The following FNIP1 variants were observed in gnomAD, a reference collection of about 807,000 sequenced individuals.
The protein encoded by FNIP1 is folliculin interacting protein 1, also known as folliculin-interacting protein 1.
A neutral mutation model predicts 124.5 loss-of-function variants in FNIP1; 40 were observed. The observed-to-expected ratio is 0.32, with a 90% confidence interval of 0.25 to 0.42. The LOEUF is 0.42. Among genes scored for constraint, FNIP1 ranks in the 10% least tolerant of loss-of-function variants. The pLI is 1.00. For synonymous variants in FNIP1, 472 were observed against 470.6 expected (o/e 1.00, Z -0.04); for missense variants, 1,176 against 1,403.7 (o/e 0.84, Z 2.59).
Position 131,672,865 on chromosome 5 carries a change from T to C in FNIP1, c.1579A>G (p.Lys527Glu). The change falls in exon 14 of 18, where the codon AAA (lysine) becomes GAA (glutamate). Residue 527 changes from lysine (K) to glutamate (E), a missense_variant. Around this residue, in one of 2 missense-constraint regions of FNIP1, gnomAD observed 1,109 missense variants for 1,288.5 expected, o/e 0.86. Transcript: ENST00000510461. ...VRLARTVVVG[K>E]RQDMVQRLLY... Reference sequence around the variant, plus strand: ...AGCCTCTGGACCATGTCTTGTCGTTTGCCAACTACCACAGTCCTTGCTAAC... The same window carrying C: ...AGCCTCTGGACCATGTCTTGTCGTTCGCCAACTACCACAGTCCTTGCTAAC... 6.2e-7 allele frequency: 1 copy of C among 1,604,846 alleles called. No homozygotes were observed. The highest frequency in any genetic ancestry group is 8.5e-7 in the Non-Finnish European group (1 of 1,176,022).
intron 1 of FNIP1, among the ~76,000 whole-genome samples, chr5:131,773,851 T>C (rs1294074092): frequency 1.3e-5 from 2 of 152,146 alleles, no homozygotes; most frequent in African/African-American, 2.4e-5. Flanking sequence ...TAGAGGGGTA[T>C]GTGGCAGGAA....
At chr5:131,785,174 AT>A (rs1270795532) in intron 1 of FNIP1, among the ~76,000 whole-genome samples, 2 of 88,970 alleles carry the variant, frequency 2.2e-5, no homozygotes, top group African/African-American at 8.9e-5. Flanking sequence ...GACTATATAT[AT>A]ATCATATATA....
In FNIP1 at chr5:131,670,619, G is replaced by A. The variant is rs1353740825; in HGVS notation, c.2952C>T (p.Ile984=). Reference sequence around the variant, plus strand: ...TGTTGGGCTGAACAGCACTCACTTCGATTAACTTTGACCTGGAAGAAAAAT... The same window carrying A: ...TGTTGGGCTGAACAGCACTCACTTCAATTAACTTTGACCTGGAAGAAAAAT... ...DEIPFPGSKL[I]EVSAVQPNIA... Residue 984 remains isoleucine, a synonymous_variant, in exon 15 of 18, where the codon ATC becomes ATT. Transcript: ENST00000510461. 4 of 1,601,386 alleles carry A rather than the reference G, an allele frequency of 2.5e-6. No homozygotes were observed. The highest frequency in any genetic ancestry group is 1.3e-5 in the African/African-American group (1 of 74,084).
In FNIP1 at chr5:131,651,883, C is replaced by T. The variant is rs2149504099; in HGVS notation, c.3225G>A (p.Lys1075=). 6.2e-7 allele frequency: 1 copy of T among 1,614,164 alleles called. No individual in the cohort carries two copies. Among genetic ancestry groups the T allele is most frequent in the Non-Finnish European group, 8.5e-7 (1 of 1,180,022 alleles). The change falls in exon 16 of 18, where the codon AAG becomes AAA. Residue 1075 remains lysine, a synonymous_variant. Coordinates refer to ENST00000510461, the MANE Select transcript of FNIP1 (RefSeq NM_133372.3). ...AAACAAGACTGGAAACCAATACTTC[C>T]TTTCCCAATTTATTATCTGTCACTC... ...QRRVTDNKLG[K]EVLVSSLVSN... is the part of the protein sequence containing the mutation.
intron 1 of FNIP1, among the ~76,000 whole-genome samples, chr5:131,785,557 A>T (rs1772186304): frequency 6.6e-6 from 1 of 152,150 alleles, no homozygotes; most frequent in Non-Finnish European, 1.5e-5. Flanking sequence ...TCTCAAAAAA[A>T]AAACAAAAAA....
At chr5:131,743,196 G>T (rs1165941244) in intron 2 of FNIP1, among the ~76,000 whole-genome samples, 2 of 152,132 alleles carry the variant, frequency 1.3e-5, no homozygotes, top group African/African-American at 4.8e-5. Flanking sequence ...AATTAAGGGA[G>T]ATAGTATATA....
chr5:131,758,504 C>A (rs1306828857), intron 1 of FNIP1, among the ~76,000 whole-genome samples: 1 of 152,172 alleles, frequency 6.6e-6, no homozygotes, highest in African/African-American at 2.4e-5. Context: ...TATACCACCA[C>A]CATTCACACA....
At chr5:131,781,463 GGCTAATGCA>G (rs1468081126) in intron 1 of FNIP1, among the ~76,000 whole-genome samples, 1 of 152,124 alleles carries the variant, frequency 6.6e-6, no homozygotes, top group Non-Finnish European at 1.5e-5. Context: ...TCCTGTTAGG[GGCTAATGCA>G]GCTAGTGACT....
In FNIP1 at chr5:131,671,860, C is replaced by T. The variant is rs780570527; in HGVS notation, c.2584G>A (p.Asp862Asn). 36 of 1,613,924 alleles carry T rather than the reference C, an allele frequency of 2.2e-5. No homozygotes were observed. Among genetic ancestry groups the T allele is most frequent in the Middle Eastern group, 1.6e-4 (1 of 6,084 alleles). Residue 862 changes from aspartate to asparagine, a missense_variant, in exon 14 of 18, where the codon GAC (aspartate) becomes AAC (asparagine). Physicochemically the swap from Asp to Asn is conservative, Grantham distance 23 (BLOSUM62 1). This residue lies in a region of FNIP1 where 1,109 missense variants were observed against 1,288.5 expected (regional missense o/e 0.86). Transcript: ENST00000510461. The stretch of plus-strand genomic sequence containing the variant: ...GAAAACTCTAACATACAGCAATGGT[C>T]TTTACTATCTGTACTTGTTTTAAAT... ...VPFKTSTDSK[D>N]HCCMLEFSKI...
At chr5:131,653,884 G>A (rs1350889322) in intron 15 of FNIP1, among the ~76,000 whole-genome samples, 2 of 152,132 alleles carry the variant, frequency 1.3e-5, no homozygotes, top group Non-Finnish European at 2.9e-5. Flanking sequence ...TGGGATTACA[G>A]GTGTGTGCCA....
In FNIP1 at chr5:131,719,056, G is replaced by T; in HGVS notation, c.460C>A (p.Pro154Thr). Residue 154 changes from proline to threonine, a missense_variant, in exon 5 of 18, where the codon CCT (proline) becomes ACT (threonine). Physicochemically the swap from Pro to Thr is conservative, Grantham distance 38 (BLOSUM62 -1). This residue lies in a region of FNIP1 where 1,109 missense variants were observed against 1,288.5 expected (regional missense o/e 0.86). Coordinates refer to ENST00000510461, the MANE Select transcript of FNIP1 (RefSeq NM_133372.3). Reference sequence around the variant, plus strand: ...ACTTTGCTGAGCATGAGCTGTGGAGGGGAACTATGAAGAAAAAGAGAAAGA... The same window carrying T: ...ACTTTGCTGAGCATGAGCTGTGGAGTGGAACTATGAAGAAAAAGAGAAAGA... ...STLKIHQIRS[P>T]PQLMLSKVFT... is the part of the protein sequence containing the mutation. 1.2e-6 allele frequency: 2 copies of T among 1,613,392 alleles called. No individual in the cohort carries two copies. The highest frequency in any genetic ancestry group is 2.2e-5 in the South Asian group (2 of 90,984).
At chr5:131,790,243 G>C (rs747580973) in intron 1 of FNIP1, among the ~76,000 whole-genome samples, 6 of 152,228 alleles carry the variant, frequency 3.9e-5, no homozygotes, top group Admixed American at 1.3e-4. Context: ...GGGAGAAGGT[G>C]GCTATTTTTG....
At chr5:131,644,890 G>T in intron 17 of FNIP1, 127 bp from the exon 18 acceptor site, 1 of 772,900 alleles carries the variant, frequency 1.3e-6, no homozygotes, top group Non-Finnish European at 2.1e-6. Flanking sequence ...CACTCTGGCC[G>T]AAAGGAAAAA....
chr5:131,725,792 C>T (rs908190109), intron 3 of FNIP1, among the ~76,000 whole-genome samples: 5 of 152,290 alleles, frequency 3.3e-5, no homozygotes, highest in South Asian at 2.1e-4. Flanking sequence ...AAAGGGAATG[C>T]TTCCAGCGTT....
intron 1 of FNIP1, among the ~76,000 whole-genome samples, chr5:131,761,125 G>A (rs1771216185): frequency 6.6e-6 from 1 of 152,158 alleles, no homozygotes; most frequent in African/African-American, 2.4e-5. Context: ...TCTGCTAACT[G>A]ACCAACTTTT....
In FNIP1 at chr5:131,719,005, T is replaced by C. The variant is rs776374726; in HGVS notation, c.511A>G (p.Ile171Val). 1.9e-6 allele frequency: 3 copies of C among 1,613,426 alleles called. No homozygotes were observed. The highest frequency in any genetic ancestry group is 1.1e-5 in the South Asian group (1 of 91,054). The change falls in exon 5 of 18, where the codon ATT becomes GTT. Residue 171 changes from isoleucine (I) to valine (V), a missense_variant. Around this residue, in one of 2 missense-constraint regions of FNIP1, gnomAD observed 1,109 missense variants for 1,288.5 expected, o/e 0.86. Coordinates refer to ENST00000510461, the MANE Select transcript of FNIP1 (RefSeq NM_133372.3). The part of the protein sequence containing the change: ...KVFTARTGSS[I>V]CGSLNTLQDS... ...ACTTACGTATTGAGACTCCCACAAATACTGCTGCCAGTCCGAGCAGTAAAC... is the reference window on the plus strand; with the variant it reads ...ACTTACGTATTGAGACTCCCACAAACACTGCTGCCAGTCCGAGCAGTAAAC...
rs531821841 is a variant in FNIP1, at chr5:131,710,996, GATA to G, written c.623-338_623-336del. 3.7e-3 allele frequency among the ~76,000 whole-genome samples: 563 copies of G among 152,202 alleles called. 5 individuals carry two copies. Among genetic ancestry groups the G allele is most frequent in the African/African-American group, 0.013 (533 of 41,536 alleles). ...TATTTTTAAAGATTTGAAAAAGTAC[GATA>G]ATGTTATCTATCTAATCTGATATTT... On this transcript the variant is annotated intron_variant, in intron 6 of 17. Coordinates refer to ENST00000510461, the MANE Select transcript of FNIP1 (RefSeq NM_133372.3).
chr5:131,757,973 C>A (rs1771103171), intron 1 of FNIP1, among the ~76,000 whole-genome samples: 1 of 152,156 alleles, frequency 6.6e-6, no homozygotes, highest in African/African-American at 2.4e-5. Flanking sequence ...TGTACTTCTG[C>A]AGAGTATGTC....
At chr5:131,728,953 C>T (rs1386605992) in intron 3 of FNIP1, among the ~76,000 whole-genome samples, 1 of 152,168 alleles carries the variant, frequency 6.6e-6, no homozygotes, top group Non-Finnish European at 1.5e-5. Flanking sequence ...CGCTGCAGGT[C>T]TGCTGGTGTT....
Sources: allele counts gnomAD v4.1 joint callset (sites outside exome capture counted in the v4.1 genomes callset), GRCh38; gene constraint gnomAD v4.1.1; regional missense constraint gnomAD v4.1.1; transcripts MANE v1.5; gene names NCBI Gene and HGNC (gene_info 2026-07-23, HGNC 2026-07-21).